SLCO3A1: variants seen among roughly 807,000 people sequenced by gnomAD.
SLCO3A1 encodes the protein solute carrier organic anion transporter family member 3A1, also known as PGE1 transporter.
A neutral mutation model predicts 63.1 loss-of-function variants in SLCO3A1; 27 were observed. The observed-to-expected ratio is 0.43, with a 90% CI of 0.32 to 0.59. SLCO3A1 has a LOEUF of 0.59. Among genes scored for constraint, SLCO3A1 ranks in the 20% least tolerant of loss-of-function variants. The probability of loss-of-function intolerance (pLI) is 0.09; values close to 1 mark genes in which losing one functional copy is unlikely to be tolerated. For missense variants in SLCO3A1, 773 were observed against 945.8 expected, an observed-to-expected ratio of 0.82 and a Z score of 2.40; for synonymous variants, 473 against 409.9, an observed-to-expected ratio of 1.15 and a Z score of -1.86.
intron 1 of SLCO3A1, among the ~76,000 whole-genome samples, chr15:91,880,389 C>CTGTGTGTGTGTGTGTGTGTG (rs1358208114): frequency 6.9e-4 from 72 of 103,758 alleles, no homozygotes; most frequent in African/African-American, 3.8e-3. Context: ...GCTTCTCTCT[C>CTGTGTGTGTGTGTGTGTGTG]TCTCTCTCTC....
At position 91,925,577 on chromosome 15, in the gene SLCO3A1, G is replaced by T. The variant is rs531175584; in HGVS notation, c.646+9119G>T. On this transcript the variant is annotated intron_variant, in intron 2 of 9. Transcript: ENST00000318445. ...GTGGTCAGTCCGGGCATGGTCAATT[G>T]TGACACAGAGAAGGTCTACAGTAGT... Among the ~76,000 whole-genome samples, 3 of 150,634 alleles carry T rather than the reference G, an allele frequency of 2.0e-5. No homozygotes were observed. In the South Asian group the frequency reaches 6.4e-4, roughly 32 times the overall value.
chr15:91,926,596 T>TGTGTGTGTGTGCGC, intron 2 of SLCO3A1, among the ~76,000 whole-genome samples: 2,402 of 105,142 alleles, frequency 0.023, 52 homozygotes, highest in African/African-American at 0.036. Context: ...TGTGTGTGTG[T>TGTGTGTGTGTGCGC]GCGCGCGCGC....
chr15:91,926,596 T>TGTGTGTGTGTGCGCGC lies in SLCO3A1; in HGVS notation c.646+10139_646+10140insTGTGTGTGTGCGCGCG. On this transcript the variant is annotated intron_variant, in intron 2 of 9. Coordinates refer to ENST00000318445, the MANE Select transcript of SLCO3A1 (RefSeq NM_013272.4). Reference sequence around the variant, plus strand: ...GTGTGTGTGTGTGTGTGTGTGTGTGTGCGCGCGCGCACGCCCATGCTTATT... The same window carrying TGTGTGTGTGTGCGCGC: ...GTGTGTGTGTGTGTGTGTGTGTGTGTGTGTGTGTGTGCGCGCGCGCGCGCGCACGCCCATGCTTATT... Among the ~76,000 whole-genome samples the TGTGTGTGTGTGCGCGC allele has an allele frequency of 1.2e-3, 123 of 105,316 alleles. 1 individual carries two copies. Among genetic ancestry groups the TGTGTGTGTGTGCGCGC allele is most frequent in the African/African-American group, 2.6e-3 (72 of 27,396 alleles). The allele number at this position is 105,316 out of a possible 152,430, so 69.1% of individuals were successfully genotyped here.
At chr15:92,165,964 G>C, downstream of SLCO3A1, 2 of 903,586 alleles carry the variant, frequency 2.2e-6, no homozygotes, top group Non-Finnish European at 2.6e-6. Flanking sequence ...ACATGCCCAG[G>C]GTGGATGAAA....
chr15:91,954,071 T>A lies in SLCO3A1; in HGVS notation c.646+37613T>A, dbSNP rs11631731. Reference sequence around the variant, plus strand: ...ACACAGGTGTGTGTTCTGTTAGCCATGGGCGATGTCTTCACAGAGCATGTA... The same window carrying A: ...ACACAGGTGTGTGTTCTGTTAGCCAAGGGCGATGTCTTCACAGAGCATGTA... On this transcript the variant is annotated intron_variant, in intron 2 of 9. Transcript: ENST00000318445. The surrounding 1 kb of genome is among the most constrained non-coding windows in gnomAD (Gnocchi z 4.7). 6.6e-6 allele frequency among the ~76,000 whole-genome samples: 1 copy of A among 152,036 alleles called. No homozygotes were observed. The highest frequency in any genetic ancestry group is 1.5e-5 in the Non-Finnish European group (1 of 67,988).
chr15:91,889,330 C>T (rs571698161), intron 1 of SLCO3A1: 2 of 414,166 alleles, frequency 4.8e-6, no homozygotes, highest in East Asian at 1.5e-4. Context: ...AAGGCTGTTA[C>T]TCATCACTCA....
At chr15:91,887,025 G>C (rs1281025720) in intron 1 of SLCO3A1, among the ~76,000 whole-genome samples, 1 of 152,150 alleles carries the variant, frequency 6.6e-6, no homozygotes, top group African/African-American at 2.4e-5. Context: ...CATTTCCAGT[G>C]GGAAATCCTT....
rs1462385529 is a variant in SLCO3A1 at position 91,853,804 on chromosome 15, C to CA, written c.-104dup. ...GGCCGCCGCGAACCCGGGGCGGGGA[C>CA]AGCACGCAGCCTCGAGGCGCGCACC... On this transcript the variant is annotated 5_prime_UTR_variant, in exon 1 of 10. Transcript: ENST00000318445. 2.4e-5 allele frequency: 26 copies of CA among 1,064,728 alleles called. No homozygotes were observed. Among genetic ancestry groups the CA allele is most frequent in the Non-Finnish European group, 2.9e-5 (25 of 874,296 alleles). 66.0% of individuals were successfully genotyped at this position (1,064,728 alleles called of 1,614,324 possible).
chr15:91,868,248 C>T lies in SLCO3A1; in HGVS notation c.180+14160C>T, dbSNP rs140427395. ...TGTATTTTTAGTAGAGTTGGGGTTT[C>T]GCCATGTTGGCCAGGCTAGTCTCGA... On this transcript the variant is annotated intron_variant, in intron 1 of 9. Transcript: ENST00000318445. Among the ~76,000 whole-genome samples, 914 of 151,214 alleles carry T rather than the reference C, an allele frequency of 6.0e-3. 13 individuals are homozygous for T. The highest frequency in any genetic ancestry group is 0.021 in the African/African-American group (875 of 41,202).
At chr15:91,902,833 C>G (rs1200565750) in intron 1 of SLCO3A1, among the ~76,000 whole-genome samples, 1 of 152,128 alleles carries the variant, frequency 6.6e-6, no homozygotes, top group South Asian at 2.1e-4. Context: ...CCTGACCCTG[C>G]CATTTGCAAG....
chr15:91,877,940 A>G (rs1369077951), intron 1 of SLCO3A1, among the ~76,000 whole-genome samples: 2 of 152,102 alleles, frequency 1.3e-5, no homozygotes, highest in African/African-American at 4.8e-5. Flanking sequence ...CACAGGGAGC[A>G]TCCTGTGGAA....
intron 7 of SLCO3A1, among the ~76,000 whole-genome samples, chr15:92,137,907 T>C (rs1338524755): frequency 2.5e-5 from 3 of 120,164 alleles, no homozygotes; most frequent in Non-Finnish European, 4.9e-5. Context: ...GCGAAAATTT[T>C]CTCCCATTTT....
chr15:91,909,706 A>T (rs11074026), intron 1 of SLCO3A1, among the ~76,000 whole-genome samples: 1 of 151,976 alleles, frequency 6.6e-6, no homozygotes, highest in Non-Finnish European at 1.5e-5. Flanking sequence ...TCCCAGCCTC[A>T]TAGAGCATCC....
At position 91,939,727 on chromosome 15, in the gene SLCO3A1, C is replaced by T. The variant is rs565417335; in HGVS notation, c.646+23269C>T. On this transcript the variant is annotated intron_variant, in intron 2 of 9. Transcript: ENST00000318445. ...TGGACTCTTTCCCGTCAGTCTTTGC[C>T]TCCTACCCGCCTCCTCCATTCTCCT... is the stretch of plus-strand genomic sequence containing the variant. Among the ~76,000 whole-genome samples the T allele has an allele frequency of 1.5e-4, 23 of 152,250 alleles. No individual in the cohort carries two copies. In the South Asian group the frequency reaches 3.5e-3, roughly 23 times the overall value.
intron 3 of SLCO3A1, 136 bp downstream of exon 3, chr15:92,095,115 A>C: frequency 1.8e-6 from 1 of 552,244 alleles, no homozygotes; most frequent in South Asian, 2.2e-5. Flanking sequence ...GCTGGGGCTC[A>C]CCCGAGATTA....
At chr15:91,947,820 C>A (rs1899861456) in intron 2 of SLCO3A1, among the ~76,000 whole-genome samples, 2 of 152,128 alleles carry the variant, frequency 1.3e-5, no homozygotes, top group African/African-American at 4.8e-5. Context: ...TTGGCCCTAG[C>A]AGCCAGGTGA....
intron 2 of SLCO3A1, among the ~76,000 whole-genome samples, chr15:92,066,372 G>A (rs988350089): frequency 6.6e-6 from 1 of 152,162 alleles, no homozygotes; most frequent in Non-Finnish European, 1.5e-5. Flanking sequence ...GAAAATTGTT[G>A]TGCTGTTTCT....
chr15:92,147,771 G>T (rs553914564), intron 8 of SLCO3A1, among the ~76,000 whole-genome samples: 1 of 152,194 alleles, frequency 6.6e-6, no homozygotes, highest in Admixed American at 6.5e-5. Context: ...CTGTCCTGGG[G>T]ATAGGTGAAG....
In SLCO3A1 at chr15:92,055,789, G is replaced by A. The variant is rs145891876; in HGVS notation, c.647-39092G>A. On this transcript the variant is annotated intron_variant, in intron 2 of 9. Coordinates refer to ENST00000318445, the MANE Select transcript of SLCO3A1 (RefSeq NM_013272.4). ...TTGAATCGAGGTTATCAGGAAAGAC[G>A]TTGTCACATGAGATTCACCATCTAT... Among the ~76,000 whole-genome samples the A allele has an allele frequency of 5.3e-5, 8 of 152,270 alleles. No homozygotes were observed. The East Asian group carries it at 1.5e-3, about 29-fold the overall frequency.
Sources: allele counts gnomAD v4.1 joint callset (sites outside exome capture counted in the v4.1 genomes callset), GRCh38; gene constraint gnomAD v4.1.1; non-coding constraint Gnocchi (gnomAD v3.1); transcripts MANE v1.5; gene names NCBI Gene and HGNC (gene_info 2026-07-23, HGNC 2026-07-21).